Variants in GLIPR1 observed in about 807,000 individuals in gnomAD.
GLIPR1 encodes GLI pathogenesis related 1.
In GLIPR1, 38 loss-of-function variants were observed where a neutral mutation model predicts 30.3. The ratio of observed to expected loss-of-function variants is 1.26; its 90% confidence interval spans 0.97 to 1.65. The LOEUF is 1.65. Among genes scored for constraint, GLIPR1 ranks in the 40% most tolerant of loss-of-function variants. The pLI is 0.00. For missense variants in GLIPR1, 285 were observed against 326.5 expected, an observed-to-expected ratio of 0.87 and a Z score of 0.98; for synonymous variants, 122 against 110.6, an observed-to-expected ratio of 1.10 and a Z score of -0.65.
At chr12:75,495,095 CAGTGAAA>C (rs1228262126) in intron 3 of GLIPR1, 2 of 152,282 alleles carry the variant, frequency 1.3e-5, no homozygotes, top group Non-Finnish European at 2.9e-5. Context: ...GGCTCCTATC[CAGTGAAA>C]ATTATGGAGG....
chr12:75,487,997 C>T (rs922681791), intron 2 of GLIPR1, among the ~76,000 whole-genome samples: 9 of 152,122 alleles, frequency 5.9e-5, no homozygotes, highest in African/African-American at 9.7e-5. Context: ...AACTTCCTGA[C>T]GTTGCCACGG....
chr12:75,501,349 A>AAAGAG lies in GLIPR1; in HGVS notation c.*2376_*2380dup, dbSNP rs2046392329. On this transcript the variant is annotated 3_prime_UTR_variant, in exon 6 of 6. Transcript: ENST00000266659. ...GCCAAACTCTAAGCCAAGATCACAT[A>AAAGAG]AAGAGAAGAAAAAGTACAACTTCTG... is the stretch of plus-strand genomic sequence containing the variant. 1 of 176,720 alleles carries AAAGAG rather than the reference A, an allele frequency of 5.7e-6. No individual in the cohort carries two copies. The highest frequency in any genetic ancestry group is 2.4e-5 in the African/African-American group (1 of 41,888). The allele number at this position is 176,720 out of a possible 1,614,324, so 10.9% of individuals were successfully genotyped here.
intron 4 of GLIPR1, chr12:75,496,492 G>T (rs1488806785): frequency 6.6e-6 from 1 of 152,180 alleles, no homozygotes; most frequent in Non-Finnish European, 1.5e-5. Flanking sequence ...ATTCTGCTTT[G>T]TGATTTTGAA....
At chr12:75,496,703 G>C (rs540922224) in intron 4 of GLIPR1, 59 of 152,228 alleles carry the variant, frequency 3.9e-4, no homozygotes, top group African/African-American at 1.4e-3. Flanking sequence ...ATAGAGGAAG[G>C]ACAGAGTCGG....
intron 1 of GLIPR1, 92 bp from the exon 2 acceptor site, chr12:75,481,739 CCTT>C: frequency 2.6e-6 from 3 of 1,141,188 alleles, no homozygotes; most frequent in Non-Finnish European, 2.6e-6. Context: ...TATCTTCTCT[CCTT>C]ATCTCACCTC....
At chr12:75,494,600 T>C (rs191489355) in intron 3 of GLIPR1, 28 of 152,362 alleles carry the variant, frequency 1.8e-4, no homozygotes, top group African/African-American at 6.7e-4. Flanking sequence ...ATGTATTTTA[T>C]GCATTTAACA....
In GLIPR1 at chr12:75,495,997, G is replaced by GTTTTTTTTTTTTTTTTTTTTT. The variant is rs370713345; in HGVS notation, c.619+346_619+347insTTTTTTTTTTTTTTTTTTTTT. On this transcript the variant is annotated intron_variant, in intron 4 of 5. Transcript: ENST00000266659. ...TCCAAACAAACAGAATTCTGTTTTC[G>GTTTTTTTTTTTTTTTTTTTTT]TTTTTTTTTTTGTTTTTTTTTTTTG... 4 of 132,126 alleles carry GTTTTTTTTTTTTTTTTTTTTT rather than the reference G, an allele frequency of 3.0e-5. 1 individual carries two copies. Among genetic ancestry groups the GTTTTTTTTTTTTTTTTTTTTT allele is most frequent in the Non-Finnish European group, 3.1e-5 (2 of 64,254 alleles). The allele number at this position is 132,126 out of a possible 1,614,324, so 8.2% of individuals were successfully genotyped here. A position where few individuals can be genotyped will look rare whatever the true frequency, so the allele number is the denominator to read the frequency against.
chr12:75,481,121 GT>G, intron 1 of GLIPR1, 67 bp downstream of exon 1: 2 of 1,189,722 alleles, frequency 1.7e-6, no homozygotes, highest in Non-Finnish European at 2.4e-6. Flanking sequence ...TGACTTTGGT[GT>G]TAATACCTTC....
chr12:75,498,244 G>A (rs1411941445), intron 4 of GLIPR1: 1 of 152,554 alleles, frequency 6.6e-6, no homozygotes, highest in African/African-American at 2.4e-5. Context: ...GCCAAACATC[G>A]TAATGATGAT....
In GLIPR1 at chr12:75,499,738, G is replaced by A. The variant is rs2046377848; in HGVS notation, c.*760G>A. The A allele has an allele frequency of 6.7e-6, 8 of 1,196,074 alleles. No individual in the cohort carries two copies. The East Asian group carries it at 8.0e-5, about 12-fold the overall frequency. The allele number at this position is 1,196,074 out of a possible 1,614,324, so 74.1% of individuals were successfully genotyped here. ...CCCTCAGAAAATTTCTCACAAATAAGGCAACTAATGCCTGATATCTCAAAA... is the reference window on the plus strand; with the variant it reads ...CCCTCAGAAAATTTCTCACAAATAAAGCAACTAATGCCTGATATCTCAAAA... On this transcript the variant is annotated 3_prime_UTR_variant, in exon 6 of 6. Transcript: ENST00000266659.
chr12:75,497,906 A>C (rs961587903), intron 4 of GLIPR1: 1 of 152,112 alleles, frequency 6.6e-6, no homozygotes, highest in Non-Finnish European at 1.5e-5. Context: ...AAAAAAAAAT[A>C]ACTAGAACAT....
intron 2 of GLIPR1, among the ~76,000 whole-genome samples, chr12:75,485,415 G>T (rs1029178279): frequency 1.3e-5 from 2 of 152,018 alleles, no homozygotes; most frequent in African/African-American, 4.8e-5. Context: ...AAAGTATCTG[G>T]GCAGGGTAGA....
chr12:75,497,512 T>G (rs1032268231), intron 4 of GLIPR1: 17 of 152,208 alleles, frequency 1.1e-4, no homozygotes, highest in Non-Finnish European at 2.4e-4. Context: ...GTAATTTGTT[T>G]TCATGTAAGT....
rs2046383854 is a variant in GLIPR1 at position 75,500,386 on chromosome 12, A to T, written c.*1408A>T. The T allele has an allele frequency of 6.6e-6, 1 of 152,162 alleles. No homozygotes were observed. Among genetic ancestry groups the T allele is most frequent in the Admixed American group, 6.6e-5 (1 of 15,216 alleles). 9.4% of individuals were successfully genotyped at this position (152,162 alleles called of 1,614,324 possible). A position where few individuals can be genotyped will look rare whatever the true frequency, so the allele number is the denominator to read the frequency against. Reference sequence around the variant, plus strand: ...ACATGTATCCCTTCTCAATAAGTTTAATCAGCTAACCCTAAGCTAGAGGTC... The same window carrying T: ...ACATGTATCCCTTCTCAATAAGTTTTATCAGCTAACCCTAAGCTAGAGGTC... On this transcript the variant is annotated 3_prime_UTR_variant, in exon 6 of 6. Transcript: ENST00000266659.
intron 3 of GLIPR1, chr12:75,494,296 TAACCTCTATTA>T (rs2120550212): frequency 6.6e-6 from 1 of 152,338 alleles, no homozygotes; most frequent in South Asian, 2.1e-4. Flanking sequence ...TTATTTTCAC[TAACCTCTATTA>T]AAAATAACAT....
rs1842320 is a variant in GLIPR1 at position 75,503,569 on chromosome 12, C to T, written c.*4591C>T. 0.92 allele frequency: 158,357 copies of T among 171,676 alleles called. 73,187 individuals carry two copies. The highest frequency in any genetic ancestry group is 1 in the East Asian group (6,418 of 6,430). The allele number at this position is 171,676 out of a possible 1,614,324, so 10.6% of individuals were successfully genotyped here. A position where few individuals can be genotyped will look rare whatever the true frequency, so the allele number is the denominator to read the frequency against. Reference sequence around the variant, plus strand: ...ATTTAAGATTTCAGAACAAGAACAACCATAGAGCACACAGTCACAATAATG... The same window carrying T: ...ATTTAAGATTTCAGAACAAGAACAATCATAGAGCACACAGTCACAATAATG... On this transcript the variant is annotated 3_prime_UTR_variant, in exon 6 of 6. Coordinates refer to ENST00000266659, the MANE Select transcript of GLIPR1 (RefSeq NM_006851.3).
intron 2 of GLIPR1, chr12:75,484,737 G>C (rs1446773976): frequency 6.6e-6 from 1 of 152,252 alleles, no homozygotes. Flanking sequence ...GAGCCAGGAT[G>C]AGCCAGGAGA....
Position 75,502,173 on chromosome 12 carries a change from A to C in GLIPR1, c.*3195A>C. ...TAAGCTGAGGGGAATACATACACAA[A>C]AGTGTGGAGGTAGGAAAGCACCTCC... On this transcript the variant is annotated 3_prime_UTR_variant, in exon 6 of 6. Coordinates refer to ENST00000266659, the MANE Select transcript of GLIPR1 (RefSeq NM_006851.3). 3.5e-6 allele frequency: 2 copies of C among 568,576 alleles called. No individual in the cohort carries two copies. Among genetic ancestry groups the C allele is most frequent in the Non-Finnish European group, 3.1e-6 (1 of 321,806 alleles). The allele number at this position is 568,576 out of a possible 1,614,324, so 35.2% of individuals were successfully genotyped here.
At position 75,499,012 on chromosome 12, in the gene GLIPR1, C is replaced by A. The variant is rs767683448; in HGVS notation, c.*34C>A. On this transcript the variant is annotated 3_prime_UTR_variant, in exon 6 of 6. Coordinates refer to ENST00000266659, the MANE Select transcript of GLIPR1 (RefSeq NM_006851.3). ...AGGAAAGAAAAAACCCAAAAACCAA[C>A]CTCATTCACATATGGCTTTTTTTTT... is the stretch of plus-strand genomic sequence containing the variant. 1 of 1,465,812 alleles carries A rather than the reference C, an allele frequency of 6.8e-7. No homozygotes were observed. The highest frequency in any genetic ancestry group is 2.4e-5 in the East Asian group (1 of 42,406). 90.8% of individuals were successfully genotyped at this position (1,465,812 alleles called of 1,614,324 possible).
Sources: gnomAD v4.1 joint callset for allele counts (sites outside exome capture counted in the v4.1 genomes callset) on GRCh38, gnomAD v4.1.1 for gene constraint, MANE v1.5 for transcripts, NCBI Gene and HGNC (gene_info 2026-07-23, HGNC 2026-07-21) for gene names.